The following SGK3 variants were observed in gnomAD, a reference collection of about 807,000 sequenced individuals.
The protein encoded by SGK3 is serine/threonine-protein kinase Sgk3.
In SGK3, 47 loss-of-function variants were observed where a neutral mutation model predicts 68.5. The ratio of observed to expected loss-of-function variants is 0.69; its 90% CI spans 0.54 to 0.87. The LOEUF (loss-of-function observed/expected upper bound fraction) is 0.87. SGK3 is among the 40% of genes least tolerant of loss of function. SGK3 has a pLI of 0.00. For missense variants in SGK3, 479 were observed against 575.5 expected (o/e 0.83, Z 1.72); for synonymous variants, 181 against 189.1 (o/e 0.96, Z 0.35).
At chr8:66,839,748 T>A in intron 10 of SGK3, 1 of 359,352 alleles carries the variant, frequency 2.8e-6, no homozygotes, top group South Asian at 5.8e-5. Flanking sequence ...CATTTTTGCA[T>A]TAAGTAGTAA....
At chr8:66,738,701 C>T (rs372164717) in intron 1 of SGK3, among the ~76,000 whole-genome samples, 17 of 151,882 alleles carry the variant, frequency 1.1e-4, no homozygotes, top group Admixed American at 6.6e-5. Context: ...GATCTCAGCT[C>T]ACTGCAAGCT....
chr8:66,816,765 G>A (rs1038715159), intron 5 of SGK3, among the ~76,000 whole-genome samples: 1 of 152,324 alleles, frequency 6.6e-6, no homozygotes, highest in Non-Finnish European at 1.5e-5. Context: ...AGAGAAGCCA[G>A]TCAGCAAGTG....
At chr8:66,795,227 A>C (rs953738951) in intron 2 of SGK3, among the ~76,000 whole-genome samples, 1 of 152,200 alleles carries the variant, frequency 6.6e-6, no homozygotes, top group African/African-American at 2.4e-5. Context: ...CCCAGACAAG[A>C]AGCAGGGAAA....
chr8:66,782,848 G>C (rs1807046673), intron 1 of SGK3, among the ~76,000 whole-genome samples: 1 of 152,122 alleles, frequency 6.6e-6, no homozygotes, highest in Admixed American at 6.5e-5. Context: ...TCATTGTCTG[G>C]ATGTACTACA....
At chr8:66,778,628 A>G (rs1806823328) in intron 1 of SGK3, among the ~76,000 whole-genome samples, 1 of 152,188 alleles carries the variant, frequency 6.6e-6, no homozygotes, top group Non-Finnish European at 1.5e-5. Flanking sequence ...ATGAACTTAA[A>G]ATTATATCAA....
intron 8 of SGK3, among the ~76,000 whole-genome samples, chr8:66,834,798 C>G (rs781404656): frequency 6.6e-6 from 1 of 151,560 alleles, no homozygotes; most frequent in South Asian, 2.1e-4. Flanking sequence ...AAATTAGCCC[C>G]GTGTGGTGGT....
chr8:66,712,884 G>C (rs1180543028), intron 1 of SGK3, 51 bp downstream of exon 1: 1 of 151,758 alleles, frequency 6.6e-6, no homozygotes, highest in Non-Finnish European at 1.5e-5. Context: ...TCCGACGGCG[G>C]CCCGGGGCGG....
At chr8:66,755,791 T>C (rs919305148) in intron 1 of SGK3, among the ~76,000 whole-genome samples, 3 of 152,250 alleles carry the variant, frequency 2.0e-5, no homozygotes, top group Admixed American at 2.0e-4. Context: ...GACTATTTAC[T>C]TTCATTTGTA....
chr8:66,767,191 C>T (rs1223430797), intron 1 of SGK3, among the ~76,000 whole-genome samples: 3 of 152,172 alleles, frequency 2.0e-5, no homozygotes, highest in African/African-American at 7.2e-5. Context: ...ATCTGTTCTT[C>T]ATTTCATTTT....
chr8:66,834,050 C>T (rs565927827), intron 8 of SGK3, among the ~76,000 whole-genome samples: 10 of 152,140 alleles, frequency 6.6e-5, no homozygotes, highest in South Asian at 4.1e-4. Context: ...TGAATATATG[C>T]GTTACCTATG....
chr8:66,801,395 A>G (rs1266258449), intron 3 of SGK3, among the ~76,000 whole-genome samples: 2 of 152,166 alleles, frequency 1.3e-5, no homozygotes, highest in South Asian at 2.1e-4. Flanking sequence ...ACAACAGCCA[A>G]TGAGAGTTTG....
chr8:66,767,868 A>C, intron 1 of SGK3: 1 of 1,349,986 alleles, frequency 7.4e-7, no homozygotes, highest in South Asian at 1.2e-5. Flanking sequence ...ATGTTTTGCC[A>C]AAACATGATA....
chr8:66,745,546 C>A (rs1805629961), intron 1 of SGK3, among the ~76,000 whole-genome samples: 1 of 151,936 alleles, frequency 6.6e-6, no homozygotes, highest in Non-Finnish European at 1.5e-5. Flanking sequence ...TGCACTCCAG[C>A]CTGGGCAACA....
intron 1 of SGK3, among the ~76,000 whole-genome samples, chr8:66,738,440 G>T (rs1182891942): frequency 6.6e-6 from 1 of 152,182 alleles, no homozygotes; most frequent in Non-Finnish European, 1.5e-5. Context: ...GCAAGATCAA[G>T]TCCAAGGTCC....
intron 16 of SGK3, among the ~76,000 whole-genome samples, chr8:66,854,196 A>G (rs944819236): frequency 2.0e-5 from 3 of 152,252 alleles, no homozygotes; most frequent in African/African-American, 7.2e-5. Flanking sequence ...AATATTGACT[A>G]TTCTGCATAG....
At chr8:66,718,906 C>A (rs972878871) in intron 1 of SGK3, among the ~76,000 whole-genome samples, 7 of 152,088 alleles carry the variant, frequency 4.6e-5, no homozygotes, top group African/African-American at 1.7e-4. Context: ...ATGCATGCAT[C>A]TTTCCCCCCC....
intron 14 of SGK3, among the ~76,000 whole-genome samples, chr8:66,844,820 T>G (rs1167472764): frequency 6.6e-6 from 1 of 152,254 alleles, no homozygotes; most frequent in Non-Finnish European, 1.5e-5. Context: ...TTTCGAATGA[T>G]AGATTCCTGT....
chr8:66,859,648 G>GTGAATATA lies in SGK3; in HGVS notation c.*69_*76dup, dbSNP rs1810680719. On this transcript the variant is annotated 3_prime_UTR_variant, in exon 17 of 17. Coordinates refer to ENST00000521198, the MANE Select transcript of SGK3 (RefSeq NM_001033578.3). ...AGATGGGACTGAAACTTCTATTTGT[G>GTGAATATA]TGAATATATTCAAATATGTATAACT... 5.5e-6 allele frequency: 8 copies of GTGAATATA among 1,466,418 alleles called. No homozygotes were observed. In the Admixed American group the frequency reaches 1.6e-4, roughly 29 times the overall value. 90.8% of individuals were successfully genotyped at this position (1,466,418 alleles called of 1,614,324 possible).
At chr8:66,858,918 C>G (rs527623242) in intron 16 of SGK3, among the ~76,000 whole-genome samples, 70 of 152,186 alleles carry the variant, frequency 4.6e-4, no homozygotes, top group African/African-American at 1.7e-3. Context: ...GGACAGATAA[C>G]TTGACCTAAA....
Sources: gnomAD v4.1 joint callset for allele counts (sites outside exome capture counted in the v4.1 genomes callset) on GRCh38, gnomAD v4.1.1 for gene constraint, MANE v1.5 for transcripts, NCBI Gene and HGNC (gene_info 2026-07-23, HGNC 2026-07-21) for gene names.